Variants in SH3YL1 observed in about 807,000 individuals in gnomAD.
SH3YL1 encodes the protein SH3 domain-containing YSC84-like protein 1.
Under a neutral mutation model 45.8 loss-of-function variants are expected in SH3YL1, and 41 were observed. That is an observed-to-expected ratio of 0.89 (90% confidence interval 0.70 to 1.16). The LOEUF (loss-of-function observed/expected upper bound fraction) is 1.16. Among genes scored for constraint, SH3YL1 ranks in the 50% most tolerant of loss-of-function variants. The pLI, the probability that SH3YL1 is intolerant of heterozygous loss-of-function variation, is 0.00. For synonymous variants in SH3YL1, 152 were observed against 151.4 expected, an observed-to-expected ratio of 1.00 and a Z score of -0.03; for missense variants, 389 against 409.6, an observed-to-expected ratio of 0.95 and a Z score of 0.43.
intron 1 of SH3YL1, among the ~76,000 whole-genome samples, chr2:253,634 A>G (rs1669178534): frequency 6.6e-6 from 1 of 152,214 alleles, no homozygotes; most frequent in Non-Finnish European, 1.5e-5. Flanking sequence ...CGTGTTTAGC[A>G]TATAATTGAA....
chr2:231,017 C>A lies in SH3YL1; in HGVS notation c.702+6G>T, dbSNP rs367873199. ...ATACTGAGTGAAACATAAAACCAAA[C>A]GGTACAGAAGACTTCCTCTGCTCCC... is the stretch of plus-strand genomic sequence containing the variant. On this transcript the variant is annotated splice_donor_region_variant and intron_variant, in intron 7 of 9. Transcript: ENST00000356150. 1.2e-6 allele frequency: 2 copies of A among 1,613,552 alleles called. No individual in the cohort carries two copies. The highest frequency in any genetic ancestry group is 1.7e-5 in the Admixed American group (1 of 59,990).
intron 4 of SH3YL1, among the ~76,000 whole-genome samples, chr2:244,186 T>A (rs1443310437): frequency 1.4e-5 from 2 of 146,568 alleles, no homozygotes; most frequent in African/African-American, 5.0e-5. Flanking sequence ...CATAATAGCA[T>A]GTGTACAAGT....
chr2:229,856 T>C lies in SH3YL1; in HGVS notation c.781+110A>G, dbSNP rs1667955347. ...GCACTTATTTTACTCTTAAATATGTTAGTTCTTCTATTTAACTCTAAAGTT... is the reference window on the plus strand; with the variant it reads ...GCACTTATTTTACTCTTAAATATGTCAGTTCTTCTATTTAACTCTAAAGTT... On this transcript the variant is annotated intron_variant, in intron 8 of 9. Transcript: ENST00000356150. The C allele has an allele frequency of 6.3e-6, 5 of 794,404 alleles. 1 individual carries two copies. The highest frequency in any genetic ancestry group is 1.0e-5 in the Non-Finnish European group (5 of 490,502). The allele number at this position is 794,404 out of a possible 1,614,324, so 49.2% of individuals were successfully genotyped here.
intron 1 of SH3YL1, among the ~76,000 whole-genome samples, chr2:257,923 T>C (rs1046020180): frequency 2.6e-5 from 4 of 152,184 alleles, no homozygotes; most frequent in Admixed American, 2.0e-4. Context: ...CCTTTCCCCA[T>C]TGCTTATTTT....
intron 6 of SH3YL1, among the ~76,000 whole-genome samples, chr2:231,583 C>G (rs72772889): frequency 0.076 from 11,589 of 152,014 alleles, 575 homozygotes; most frequent in African/African-American, 0.13. Flanking sequence ...AAAATGGTAC[C>G]TATAACTGTG....
intron 1 of SH3YL1, chr2:262,656 G>C: frequency 7.7e-7 from 1 of 1,304,258 alleles, no homozygotes; most frequent in Non-Finnish European, 1.0e-6. Context: ...CGTGCACAGG[G>C]ACTTGTGAGG....
At chr2:261,512 CA>C (rs1329279599) in intron 1 of SH3YL1, among the ~76,000 whole-genome samples, 5 of 151,786 alleles carry the variant, frequency 3.3e-5, no homozygotes, top group Admixed American at 6.6e-5. Flanking sequence ...CATAGTAACA[CA>C]TTTTTTTTTT....
At chr2:257,676 G>A (rs1400306519) in intron 1 of SH3YL1, among the ~76,000 whole-genome samples, 1 of 152,100 alleles carries the variant, frequency 6.6e-6, no homozygotes, top group Non-Finnish European at 1.5e-5. Flanking sequence ...TTCTGACCAC[G>A]AGGCATCCCT....
intron 1 of SH3YL1, among the ~76,000 whole-genome samples, chr2:255,651 C>T (rs1183703586): frequency 6.6e-6 from 1 of 152,134 alleles, no homozygotes; most frequent in African/African-American, 2.4e-5. Context: ...TTTTGGAGTT[C>T]TATTTAAATT....
chr2:235,128 C>T (rs1035298275), intron 4 of SH3YL1, among the ~76,000 whole-genome samples: 3 of 152,192 alleles, frequency 2.0e-5, no homozygotes, highest in South Asian at 2.1e-4. Context: ...CCACCCACCT[C>T]GGCCTCCCAA....
chr2:236,507 ATAGT>A (rs1040454373), intron 4 of SH3YL1, among the ~76,000 whole-genome samples: 6 of 152,168 alleles, frequency 3.9e-5, no homozygotes, highest in Admixed American at 2.6e-4. Context: ...AAAATTAAAA[ATAGT>A]TAGGTGGGAA....
intron 6 of SH3YL1, among the ~76,000 whole-genome samples, chr2:231,998 G>A (rs1336546155): frequency 3.3e-5 from 5 of 151,710 alleles, no homozygotes; most frequent in African/African-American, 7.3e-5. Flanking sequence ...TCTGCCACGC[G>A]TGGCGAATTT....
At position 263,869 on chromosome 2, in the gene SH3YL1, G is replaced by A. The variant is rs948122764; in HGVS notation, c.1+115C>T. ...TTTGGGCGGTTTGCGGTTAACAGAC[G>A]CGCGACCTAGAAACCCCAGAGGCAT... On this transcript the variant is annotated intron_variant, in intron 1 of 9. Coordinates refer to ENST00000356150, the MANE Select transcript of SH3YL1 (RefSeq NM_015677.4). 29 of 874,534 alleles carry A rather than the reference G, an allele frequency of 3.3e-5. 1 individual carries two copies. The Middle Eastern group carries it at 1.1e-3, about 33-fold the overall frequency. 54.2% of individuals were successfully genotyped at this position (874,534 alleles called of 1,614,324 possible).
At chr2:244,863 A>C (rs996326700) in intron 4 of SH3YL1, 1 of 152,320 alleles carries the variant, frequency 6.6e-6, no homozygotes, top group Non-Finnish European at 1.5e-5. Context: ...CAGAGAAGCC[A>C]GGTCCAAAGG....
upstream of SH3YL1, chr2:264,722 G>A (rs1669782816): frequency 4.3e-6 from 2 of 466,504 alleles, no homozygotes; most frequent in African/African-American, 2.1e-5. Flanking sequence ...CGCCCCTGCA[G>A]GTGAACGGCG....
At chr2:246,897 G>C (rs961598995) in intron 4 of SH3YL1, among the ~76,000 whole-genome samples, 14 of 152,142 alleles carry the variant, frequency 9.2e-5, no homozygotes, top group Non-Finnish European at 1.8e-4. Flanking sequence ...GGATAGCTTA[G>C]GAAGAAATGG....
chr2:259,207 G>A (rs1276483326), intron 1 of SH3YL1, among the ~76,000 whole-genome samples: 1 of 152,172 alleles, frequency 6.6e-6, no homozygotes. Context: ...TGTGTGAGTA[G>A]CAGGAGCCAT....
At chr2:256,019 C>T (rs1215566318) in intron 1 of SH3YL1, 1 of 152,160 alleles carries the variant, frequency 6.6e-6, no homozygotes, top group African/African-American at 2.4e-5. Context: ...GCTCAGTGTG[C>T]ATGGACAGAG....
rs943671547 is a variant in SH3YL1, at chr2:230,011, G to A, written c.736C>T (p.Pro246Ser). 1 of 1,611,038 alleles carries A rather than the reference G, an allele frequency of 6.2e-7. No individual in the cohort carries two copies. Among genetic ancestry groups the A allele is most frequent in the Non-Finnish European group, 8.5e-7 (1 of 1,178,180 alleles). Reference protein sequence around the residue: ...KELPPKPLSRPQQSSAPVQLN... With the variant: ...KELPPKPLSRSQQSSAPVQLN... ...TGGACTGGTGCAGATGACTGCTGTG[G>A]TCTTGACAATGGCTTTGGAGGTAAT... Residue 246 changes from proline to serine, a missense_variant, in exon 8 of 10, where the codon CCA becomes TCA. By Grantham distance (74) the Pro-to-Ser change is moderately conservative. Coordinates refer to ENST00000356150, the MANE Select transcript of SH3YL1 (RefSeq NM_015677.4).
Sources: allele counts gnomAD v4.1 joint callset (sites outside exome capture counted in the v4.1 genomes callset), GRCh38; gene constraint gnomAD v4.1.1; transcripts MANE v1.5; gene names NCBI Gene and HGNC (gene_info 2026-07-23, HGNC 2026-07-21).